The following CPLANE1 variants were observed in gnomAD, a reference collection of about 807,000 sequenced individuals.
CPLANE1 encodes the protein ciliogenesis and planar polarity effector 1.
In CPLANE1, 263 loss-of-function variants were observed where a neutral mutation model predicts 362.5. The ratio of observed to expected loss-of-function variants is 0.73; its 90% CI spans 0.66 to 0.80. CPLANE1 has a LOEUF of 0.80. Among genes scored for constraint, CPLANE1 ranks in the 30% least tolerant of loss-of-function variants. The pLI, the probability that CPLANE1 is intolerant of heterozygous loss-of-function variation, is 0.00. For synonymous variants in CPLANE1, 1,212 were observed against 1,302.6 expected (o/e 0.93, Z 1.50); for missense variants, 3,461 against 3,793.4 (o/e 0.91, Z 2.30).
intron 4 of CPLANE1, among the ~76,000 whole-genome samples, chr5:37,244,920 G>T (rs573534466): frequency 6.6e-6 from 1 of 151,880 alleles, no homozygotes; most frequent in Non-Finnish European, 1.5e-5. Flanking sequence ...AAAAAAAAAG[G>T]CTGGGTGGAT....
intron 43 of CPLANE1, among the ~76,000 whole-genome samples, chr5:37,147,574 C>T (rs1772042998): frequency 6.6e-6 from 1 of 151,300 alleles, no homozygotes; most frequent in Admixed American, 6.6e-5. Context: ...GTTAATGCCC[C>T]CAAAATAGAA....
At chr5:37,077,012 A>G in the CPLANE1 span, among the ~76,000 whole-genome samples, 3 of 151,914 alleles carry the variant, frequency 2.0e-5, no homozygotes, top group South Asian at 6.3e-4. Context: ...CTATGTTGCA[A>G]CTTTGCAATT....
Position 37,177,611 on chromosome 5 carries a change from T to TAAA in CPLANE1, c.5900+9_5900+10insTTT. ...AGTGACAATCACTGTCATACTTTTT[T>TAAA]CCCCCTTACCCTTTTTGTTCAGTCG... On this transcript the variant is annotated intron_variant, in intron 30 of 52. Coordinates refer to ENST00000651892, the MANE Select transcript of CPLANE1 (RefSeq NM_001384732.1). 6.2e-7 allele frequency: 1 copy of TAAA among 1,606,336 alleles called. No homozygotes were observed. The highest frequency in any genetic ancestry group is 8.5e-7 in the Non-Finnish European group (1 of 1,173,988).
Position 37,186,332 on chromosome 5 carries a change from G to A in CPLANE1, c.4143C>T (p.Asp1381=), listed in dbSNP as rs1783983898. The change falls in exon 24 of 53, where the codon GAC becomes GAT. Residue 1381 remains aspartate (D), a synonymous_variant. Coordinates refer to ENST00000651892, the MANE Select transcript of CPLANE1 (RefSeq NM_001384732.1). ...GTCTCTGGTGAAGAGAGTGATATTT[G>A]TCTCTTAAAGGAACCCTCACGTCCT... is the stretch of plus-strand genomic sequence containing the variant. ...YPEDVRVPLR[D]KYHSLHQRLR... 6.2e-7 allele frequency: 1 copy of A among 1,604,884 alleles called. No homozygotes were observed. The highest frequency in any genetic ancestry group is 1.3e-5 in the African/African-American group (1 of 74,902).
intron 6 of CPLANE1, among the ~76,000 whole-genome samples, chr5:37,240,890 T>G (rs1426263661): frequency 6.6e-6 from 1 of 152,202 alleles, no homozygotes; most frequent in Non-Finnish European, 1.5e-5. Flanking sequence ...TTCTACATAA[T>G]GCCAAATATT....
At chr5:37,157,594 G>T in intron 40 of CPLANE1, 76 bp downstream of exon 40, 1 of 1,285,808 alleles carries the variant, frequency 7.8e-7, no homozygotes, top group Non-Finnish European at 1.1e-6. Flanking sequence ...AGAGGTAAGA[G>T]ATGTGAGTAG....
At chr5:37,210,634 A>T (rs1792323296) in intron 16 of CPLANE1, 1 of 1,598,736 alleles carries the variant, frequency 6.3e-7, no homozygotes, top group Non-Finnish European at 8.5e-7. Flanking sequence ...ACAAAACAAA[A>T]CCATATGCTG....
At chr5:37,103,935 C>G (rs1757418153), downstream of CPLANE1, among the ~76,000 whole-genome samples, 1 of 152,160 alleles carries the variant, frequency 6.6e-6, no homozygotes, top group African/African-American at 2.4e-5. Context: ...GGGAAGTTCT[C>G]TTGGATGATA....
the CPLANE1 span, among the ~76,000 whole-genome samples, chr5:37,076,466 T>C: frequency 1.3e-5 from 2 of 151,900 alleles, no homozygotes; most frequent in Admixed American, 1.3e-4. Flanking sequence ...CACATGCCAC[T>C]ACGCCTGGCT....
intron 51 of CPLANE1, among the ~76,000 whole-genome samples, chr5:37,112,632 G>C (rs1414544187): frequency 6.6e-6 from 1 of 152,206 alleles, no homozygotes; most frequent in Non-Finnish European, 1.5e-5. Context: ...ACACCAAACA[G>C]TGTCTACAGA....
At position 37,224,861 on chromosome 5, in the gene CPLANE1, T is replaced by G; in HGVS notation, c.2292-121A>C. On this transcript the variant is annotated intron_variant, in intron 12 of 52. Transcript: ENST00000651892. ...TCATCGGTATAACATACATACAAAC[T>G]GATCACATTTAAATATAGTGCAAAA... The G allele has an allele frequency of 5.0e-6, 3 of 598,950 alleles. No homozygotes were observed. The South Asian group carries it at 6.7e-5, about 13-fold the overall frequency. The allele number at this position is 598,950 out of a possible 1,614,324, so 37.1% of individuals were successfully genotyped here.
intron 34 of CPLANE1, among the ~76,000 whole-genome samples, chr5:37,167,533 C>T (rs1208399020): frequency 1.3e-5 from 2 of 152,166 alleles, no homozygotes; most frequent in East Asian, 3.9e-4. Context: ...AATCCCAGCA[C>T]TTTGGGAGGT....
At chr5:37,133,895 AT>A (rs1766742640) in intron 46 of CPLANE1, among the ~76,000 whole-genome samples, 1 of 152,090 alleles carries the variant, frequency 6.6e-6, no homozygotes, top group Admixed American at 6.5e-5. Context: ...GTTCAGTAAG[AT>A]GTTGGCTGTG....
In CPLANE1 at chr5:37,180,082, T is replaced by C. The variant is rs1782239292; in HGVS notation, c.5672A>G (p.Glu1891Gly). ...NTKKEFIDID[E>G]NLLEVEAFTE... is the part of the protein sequence containing the mutation. ...AAATGCTTCTACTTCTAAAAGATTCTCATCAATATCTATAAATTCTTTTTT... is the reference window on the plus strand; with the variant it reads ...AAATGCTTCTACTTCTAAAAGATTCCCATCAATATCTATAAATTCTTTTTT... The change falls in exon 28 of 53, where the codon GAG becomes GGG. Residue 1891 changes from glutamate to glycine, a missense_variant. By Grantham distance (98) the Glu-to-Gly change is moderately conservative. Coordinates refer to ENST00000651892, the MANE Select transcript of CPLANE1 (RefSeq NM_001384732.1). 4 of 1,568,358 alleles carry C rather than the reference T, an allele frequency of 2.6e-6. No homozygotes were observed. The highest frequency in any genetic ancestry group is 3.5e-6 in the Non-Finnish European group (4 of 1,153,376).
In CPLANE1 at chr5:37,221,495, C is replaced by T. The variant is rs759157049; in HGVS notation, c.2582-7G>A. The T allele has an allele frequency of 1.3e-5, 19 of 1,485,624 alleles. No homozygotes were observed. The highest frequency in any genetic ancestry group is 1.7e-5 in the Non-Finnish European group (19 of 1,122,280). 92.0% of individuals were successfully genotyped at this position (1,485,624 alleles called of 1,614,324 possible). A position where few individuals can be genotyped will look rare whatever the true frequency, so the allele number is the denominator to read the frequency against. On this transcript the variant is annotated splice_region_variant and splice_polypyrimidine_tract_variant and intron_variant, in intron 14 of 52. Transcript: ENST00000651892. ...AAATACGTCCTTCTTCCTCCTGAAACAAGAAGTAAGCTCACCTTAAAAGTA... is the reference window on the plus strand; with the variant it reads ...AAATACGTCCTTCTTCCTCCTGAAATAAGAAGTAAGCTCACCTTAAAAGTA...
intron 41 of CPLANE1, among the ~76,000 whole-genome samples, chr5:37,155,681 T>C (rs1227886895): frequency 6.6e-6 from 1 of 152,174 alleles, no homozygotes; most frequent in African/African-American, 2.4e-5. Flanking sequence ...AGCCAAACTT[T>C]AATTTTCTCA....
At chr5:37,164,980 C>T (rs1777854906) in intron 36 of CPLANE1, among the ~76,000 whole-genome samples, 4 of 152,060 alleles carry the variant, frequency 2.6e-5, no homozygotes, top group African/African-American at 9.7e-5. Flanking sequence ...GTGGCACACA[C>T]CTGTAGTTCT....
rs1272066782 is a variant in CPLANE1 at position 37,183,461 on chromosome 5, T to C, written c.4720A>G (p.Ile1574Val). ...RDLPYSRDAD[I>V]PFLTSFSGKL... The stretch of plus-strand genomic sequence containing the variant: ...CCAGAAAAACTAGTTAGAAATGGAA[T>C]GTCAGCATCCCTGGAATAAGGTAGG... Residue 1574 changes from isoleucine to valine, a missense_variant, in exon 26 of 53, where the codon ATT (isoleucine) becomes GTT (valine). Around this residue, in one of 2 missense-constraint regions of CPLANE1, gnomAD observed 3,380 missense variants for 3,666.1 expected, o/e 0.92. Transcript: ENST00000651892. 6.2e-7 allele frequency: 1 copy of C among 1,613,526 alleles called. No homozygotes were observed.
At chr5:37,239,580 C>CAA (rs10591482) in intron 7 of CPLANE1, 133 bp downstream of exon 7, 3,465 of 301,828 alleles carry the variant, frequency 0.011, no homozygotes, top group East Asian at 0.014. Context: ...GAGACCCTGT[C>CAA]AAAAAAAAAA....
Sources: allele counts gnomAD v4.1 joint callset (sites outside exome capture counted in the v4.1 genomes callset), GRCh38; gene constraint gnomAD v4.1.1; regional missense constraint gnomAD v4.1.1; transcripts MANE v1.5; gene names NCBI Gene and HGNC (gene_info 2026-07-23, HGNC 2026-07-21).